Variants in C1QTNF2 observed in about 807,000 individuals in gnomAD.
The protein encoded by C1QTNF2 is complement C1q tumor necrosis factor-related protein 2.
A neutral mutation model predicts 17.4 loss-of-function variants in C1QTNF2; 15 were observed. The observed-to-expected ratio is 0.86, with a 90% CI of 0.58 to 1.33. The LOEUF (loss-of-function observed/expected upper bound fraction) is 1.33. Ranked by LOEUF, C1QTNF2 falls within the 40% of genes most tolerant of loss-of-function variation. The probability of loss-of-function intolerance (pLI) is 0.00; values close to 1 mark genes in which losing one functional copy is unlikely to be tolerated. For missense variants in C1QTNF2, 381 were observed against 392.3 expected, an observed-to-expected ratio of 0.97 and a Z score of 0.24; for synonymous variants, 154 against 163.3, an observed-to-expected ratio of 0.94 and a Z score of 0.44.
chr5:160,354,189 T>A (rs1167547701), intron 2 of C1QTNF2, among the ~76,000 whole-genome samples: 1 of 152,152 alleles, frequency 6.6e-6, no homozygotes, highest in African/African-American at 2.4e-5. Flanking sequence ...GAGTTCTCAG[T>A]AATATTTTGG....
At chr5:160,350,195 G>A (rs956527522) in intron 2 of C1QTNF2, among the ~76,000 whole-genome samples, 1 of 152,094 alleles carries the variant, frequency 6.6e-6, no homozygotes, top group Admixed American at 6.6e-5. Flanking sequence ...CCCTGCCCAC[G>A]TGTACAAGGA....
intron 1 of C1QTNF2, among the ~76,000 whole-genome samples, chr5:160,361,346 T>C (rs533274824): frequency 6.4e-4 from 97 of 152,310 alleles, no homozygotes; most frequent in Non-Finnish European, 1.0e-3. Flanking sequence ...GGGCCTCTCA[T>C]TGATCCTTCC....
At chr5:160,368,687 ACT>A (rs1764291895) in intron 1 of C1QTNF2, among the ~76,000 whole-genome samples, 1 of 152,014 alleles carries the variant, frequency 6.6e-6, no homozygotes, top group Admixed American at 6.6e-5. Context: ...GTGGAGAGAG[ACT>A]CTGTTACCCC....
intron 1 of C1QTNF2, among the ~76,000 whole-genome samples, chr5:160,369,486 A>G (rs1004140465): frequency 6.6e-6 from 1 of 152,226 alleles, no homozygotes; most frequent in African/African-American, 2.4e-5. Context: ...GACAGAATAA[A>G]TTAGAGAATG....
chr5:160,368,050 G>A (rs1764277176), intron 1 of C1QTNF2, among the ~76,000 whole-genome samples: 1 of 152,170 alleles, frequency 6.6e-6, no homozygotes, highest in Non-Finnish European at 1.5e-5. Flanking sequence ...CAGGCCTGCT[G>A]GCTCAGGGCC....
rs865878104 is a variant in C1QTNF2, at chr5:160,354,821, C to T, written c.191G>A (p.Gly64Asp). The change falls in exon 2 of 3, where the codon GGC becomes GAC. Residue 64 changes from glycine (G) to aspartate (D), a missense_variant. Physicochemically the swap from Gly to Asp is moderately conservative, Grantham distance 94. Coordinates refer to ENST00000652664, the MANE Select transcript of C1QTNF2 (RefSeq NM_031908.6). ...GTCGTGTCCATCTTGGCCGTCTTTG[C>T]CAGGAAAGCCCATTCGTCCCATCAT... ...SGMMGRMGFPGKDGQDGHDGD... is the reference protein window; with the variant it reads ...SGMMGRMGFPDKDGQDGHDGD... 6.2e-7 allele frequency: 1 copy of T among 1,613,468 alleles called. No homozygotes were observed. The highest frequency in any genetic ancestry group is 8.5e-7 in the Non-Finnish European group (1 of 1,179,890).
intron 2 of C1QTNF2, among the ~76,000 whole-genome samples, chr5:160,351,634 C>T (rs1475656574): frequency 6.6e-6 from 1 of 151,914 alleles, no homozygotes; most frequent in Non-Finnish European, 1.5e-5. Context: ...AGAAAAAGGC[C>T]AGGAAAGATA....
rs1729842044 is a variant in C1QTNF2 at position 160,363,012 on chromosome 5, TCCCACTGGGAGC to T, written c.-10+7488_-10+7499del. On this transcript the variant is annotated intron_variant, in intron 1 of 2. Transcript: ENST00000652664. ...GAACTAAGGGATCACAGTCCTGAAC[TCCCACTGGGAGC>T]CCCAGGAGTGTTTCAGGGGAGGCCT... is the stretch of plus-strand genomic sequence containing the variant. 3.9e-5 allele frequency among the ~76,000 whole-genome samples: 6 copies of T among 152,286 alleles called. 1 individual carries two copies. In the South Asian group the frequency reaches 1.2e-3, roughly 32 times the overall value.
Position 160,370,436 on chromosome 5 carries a change from A to G in C1QTNF2, c.-10+76T>C, listed in dbSNP as rs1017437189. 3.0e-6 allele frequency: 4 copies of G among 1,354,874 alleles called. No individual in the cohort carries two copies. In the African/African-American group the frequency reaches 4.6e-5, roughly 16 times the overall value. The allele number at this position is 1,354,874 out of a possible 1,614,324, so 83.9% of individuals were successfully genotyped here. A position where few individuals can be genotyped will look rare whatever the true frequency, so the allele number is the denominator to read the frequency against. On this transcript the variant is annotated intron_variant, in intron 1 of 2. Coordinates refer to ENST00000652664, the MANE Select transcript of C1QTNF2 (RefSeq NM_031908.6). ...ACCTTCCGCATCCCGCCCCGCCCGC[A>G]GCAGTGCGAGTCCTCCTCCTCCTCC...
At chr5:160,358,857 T>G (rs1764098760) in intron 1 of C1QTNF2, among the ~76,000 whole-genome samples, 1 of 152,168 alleles carries the variant, frequency 6.6e-6, no homozygotes. Flanking sequence ...CTCGGCTCAC[T>G]GCAACCTCCA....
At chr5:160,358,478 C>A (rs200917937) in intron 1 of C1QTNF2, among the ~76,000 whole-genome samples, 3 of 146,792 alleles carry the variant, frequency 2.0e-5, no homozygotes, top group African/African-American at 7.5e-5. Context: ...TTTTTTTTTT[C>A]TTTTTAGGGA....
At chr5:160,357,617 A>G (rs1764074499) in intron 1 of C1QTNF2, among the ~76,000 whole-genome samples, 1 of 152,196 alleles carries the variant, frequency 6.6e-6, no homozygotes, top group African/African-American at 2.4e-5. Context: ...CTGAATTTTT[A>G]AAGCAGGTTC....
Position 160,354,843 on chromosome 5 carries a change from T to C in C1QTNF2, c.169A>G (p.Met57Val). 1.2e-6 allele frequency: 2 copies of C among 1,612,850 alleles called. No individual in the cohort carries two copies. Among genetic ancestry groups the C allele is most frequent in the Non-Finnish European group, 1.7e-6 (2 of 1,179,690 alleles). Reference sequence around the variant, plus strand: ...TTGCCAGGAAAGCCCATTCGTCCCATCATTCCTGAGGGCCCTGGGGCTCCT... The same window carrying C: ...TTGCCAGGAAAGCCCATTCGTCCCACCATTCCTGAGGGCCCTGGGGCTCCT... The part of the protein sequence containing the change: ...PPGAPGPSGM[M>V]GRMGFPGKDG... The change falls in exon 2 of 3, where the codon ATG (methionine) becomes GTG (valine). Residue 57 changes from methionine to valine, a missense_variant. Physicochemically the swap from Met to Val is conservative, Grantham distance 21. Transcript: ENST00000652664.
Position 160,349,474 on chromosome 5 carries a change from G to A in C1QTNF2, c.552C>T (p.Ser184=), listed in dbSNP as rs145908967. 59 of 1,614,050 alleles carry A rather than the reference G, an allele frequency of 3.7e-5. No homozygotes were observed. The highest frequency in any genetic ancestry group is 1.7e-4 in the Admixed American group (10 of 60,018). The change falls in exon 3 of 3, where the codon AGC becomes AGT. Residue 184 remains serine (S), a synonymous_variant. Transcript: ENST00000652664. This position sits in a 1 kb window ranked among gnomAD's most constrained non-coding sequence, Gnocchi z 4.3. ...MNEGGHYNAS[S]GKFVCGVPGI... ...CAGGCACGCCGCAGACGAACTTGCCGCTGGAAGCATTGTAGTGGCCACCCT... is the reference window on the plus strand; with the variant it reads ...CAGGCACGCCGCAGACGAACTTGCCACTGGAAGCATTGTAGTGGCCACCCT...
chr5:160,366,610 T>C (rs1287413918), intron 1 of C1QTNF2, among the ~76,000 whole-genome samples: 1 of 152,236 alleles, frequency 6.6e-6, no homozygotes, highest in Non-Finnish European at 1.5e-5. Flanking sequence ...CTGATGCAAT[T>C]GTATAGCTGG....
chr5:160,358,169 G>A (rs1764086730), intron 1 of C1QTNF2, among the ~76,000 whole-genome samples: 1 of 152,158 alleles, frequency 6.6e-6, no homozygotes, highest in African/African-American at 2.4e-5. Flanking sequence ...GAAGCTCCTG[G>A]AGTCCCAGAG....
chr5:160,354,597 A>AAAAAAATATAT (rs769774870), intron 2 of C1QTNF2, among the ~76,000 whole-genome samples, 171 bp downstream of exon 2: 2 of 89,306 alleles, frequency 2.2e-5, no homozygotes, highest in African/African-American at 4.8e-5. Context: ...AAAAAAAAAA[A>AAAAAAATATAT]GTATATATAT....
intron 1 of C1QTNF2, among the ~76,000 whole-genome samples, chr5:160,367,556 T>A (rs1764268885): frequency 6.6e-6 from 1 of 152,180 alleles, no homozygotes; most frequent in Admixed American, 6.5e-5. Context: ...GTGACAACCA[T>A]GTGAAGACAC....
At chr5:160,367,357 G>T (rs1212879683) in intron 1 of C1QTNF2, among the ~76,000 whole-genome samples, 1 of 152,216 alleles carries the variant, frequency 6.6e-6, no homozygotes, top group Non-Finnish European at 1.5e-5. Flanking sequence ...AGGTATTACA[G>T]GCTGACTTGT....
Sources: gnomAD v4.1 joint callset for allele counts (sites outside exome capture counted in the v4.1 genomes callset) on GRCh38, gnomAD v4.1.1 for gene constraint, Gnocchi (gnomAD v3.1) non-coding constraint, MANE v1.5 for transcripts, NCBI Gene and HGNC (gene_info 2026-07-23, HGNC 2026-07-21) for gene names.